Variants in FNIP1 observed in about 807,000 individuals in gnomAD.
The protein encoded by FNIP1 is folliculin-interacting protein 1.
A neutral mutation model predicts 124.5 loss-of-function variants in FNIP1; 40 were observed. The observed-to-expected ratio is 0.32, with a 90% CI of 0.25 to 0.42. FNIP1 has a LOEUF of 0.42. FNIP1 is among the 10% of genes least tolerant of loss of function. The probability of loss-of-function intolerance (pLI) is 1.00; values close to 1 mark genes in which losing one functional copy is unlikely to be tolerated. For synonymous variants in FNIP1, 472 were observed against 470.6 expected (o/e 1.00, Z -0.04); for missense variants, 1,176 against 1,403.7 (o/e 0.84, Z 2.59).
In FNIP1 at chr5:131,672,819, A is replaced by C; in HGVS notation, c.1625T>G (p.Phe542Cys). 1 of 1,613,248 alleles carries C rather than the reference A, an allele frequency of 6.2e-7. No individual in the cohort carries two copies. The highest frequency in any genetic ancestry group is 8.5e-7 in the Non-Finnish European group (1 of 1,179,772). ...VQRLLYFLTY[F>C]IRCSELQETH... is the part of the protein sequence containing the mutation. Reference sequence around the variant, plus strand: ...TTCTTGAAGTTCAGAGCATCTTATAAAATAAGTAAGAAAATAAAGTAGCCT... The same window carrying C: ...TTCTTGAAGTTCAGAGCATCTTATACAATAAGTAAGAAAATAAAGTAGCCT... The change falls in exon 14 of 18, where the codon TTT (phenylalanine) becomes TGT (cysteine). Residue 542 changes from phenylalanine to cysteine, a missense_variant. Phe to Cys is a radical substitution (Grantham distance 205). Coordinates refer to ENST00000510461, the MANE Select transcript of FNIP1 (RefSeq NM_133372.3).
At chr5:131,699,099 G>T in intron 10 of FNIP1, 97 bp from the exon 11 acceptor site, 2 of 774,854 alleles carry the variant, frequency 2.6e-6, no homozygotes, top group African/African-American at 1.8e-5. Context: ...TTTACACAAC[G>T]CTCTATCAAA....
chr5:131,754,719 A>G (rs1770987515), intron 1 of FNIP1, among the ~76,000 whole-genome samples: 1 of 152,246 alleles, frequency 6.6e-6, no homozygotes, highest in African/African-American at 2.4e-5. Context: ...AGTTCAACAC[A>G]CACATACAGA....
intron 1 of FNIP1, among the ~76,000 whole-genome samples, chr5:131,757,176 T>C (rs6891669): frequency 0.019 from 2,827 of 152,216 alleles, 91 homozygotes; most frequent in African/African-American, 0.064. Context: ...AATAAGGATA[T>C]GAGAGATCAA....
intron 15 of FNIP1, among the ~76,000 whole-genome samples, chr5:131,652,393 T>C (rs1174991505): frequency 6.6e-6 from 1 of 152,216 alleles, no homozygotes. Context: ...TCTTGCTCTG[T>C]AGCCAGGCTG....
intron 11 of FNIP1, among the ~76,000 whole-genome samples, chr5:131,695,104 C>CAAATAAATAAAT (rs72306515): frequency 1.9e-4 from 26 of 137,852 alleles, no homozygotes; most frequent in African/African-American, 4.0e-4. Flanking sequence ...GACACTGTCT[C>CAAATAAATAAAT]AAATAAATAA....
In FNIP1 at chr5:131,647,624, C is replaced by T. The variant is rs1023829580; in HGVS notation, c.3307-419G>A. On this transcript the variant is annotated intron_variant, in intron 16 of 17. Coordinates refer to ENST00000510461, the MANE Select transcript of FNIP1 (RefSeq NM_133372.3). ...GAGTAGCTGGGACTACAGCCATGCG[C>T]ACCACACCCGGCTAATTTCTTTTCT... 2.9e-4 allele frequency among the ~76,000 whole-genome samples: 44 copies of T among 151,990 alleles called. 2 individuals carry two copies. Among genetic ancestry groups the T allele is most frequent in the Non-Finnish European group, 2.9e-5 (2 of 68,002 alleles).
At chr5:131,709,780 AT>A (rs757085819) in intron 7 of FNIP1, among the ~76,000 whole-genome samples, 9 of 152,098 alleles carry the variant, frequency 5.9e-5, no homozygotes, top group Non-Finnish European at 1.3e-4. Flanking sequence ...GCTAATATAT[AT>A]TTTTGCCTTT....
At chr5:131,735,614 A>G (rs559257870) in intron 2 of FNIP1, among the ~76,000 whole-genome samples, 121 of 148,912 alleles carry the variant, frequency 8.1e-4, no homozygotes, top group South Asian at 6.9e-3. Context: ...ACATATACAC[A>G]TATTTATATA....
At position 131,751,703 on chromosome 5, in the gene FNIP1, T is replaced by C. The variant is rs115921850; in HGVS notation, c.93-7013A>G. Among the ~76,000 whole-genome samples the C allele has an allele frequency of 2.6e-3, 391 of 152,240 alleles. 2 individuals are homozygous for C. Among genetic ancestry groups the C allele is most frequent in the African/African-American group, 8.4e-3 (348 of 41,544 alleles). ...AGTATTTGGCCATAAAAAGAATGCA[T>C]ACTACATGGGTGAACCTTGAAAACA... On this transcript the variant is annotated intron_variant, in intron 1 of 17. Transcript: ENST00000510461.
At position 131,642,885 on chromosome 5, in the gene FNIP1, A is replaced by T. The variant is rs1766758280; in HGVS notation, c.*1800T>A. 6.6e-6 allele frequency: 1 copy of T among 152,084 alleles called. No homozygotes were observed. The highest frequency in any genetic ancestry group is 6.6e-5 in the Admixed American group (1 of 15,220). The allele number at this position is 152,084 out of a possible 1,614,324, so 9.4% of individuals were successfully genotyped here. A position where few individuals can be genotyped will look rare whatever the true frequency, so the allele number is the denominator to read the frequency against. ...ACTCCGTCAAAAAAAAAAAAAAAAA[A>T]AAAAAGGTACAATGGCCCGCAAATG... On this transcript the variant is annotated 3_prime_UTR_variant, in exon 18 of 18. Coordinates refer to ENST00000510461, the MANE Select transcript of FNIP1 (RefSeq NM_133372.3).
At chr5:131,752,948 T>C (rs1770928383) in intron 1 of FNIP1, among the ~76,000 whole-genome samples, 1 of 152,176 alleles carries the variant, frequency 6.6e-6, no homozygotes, top group Non-Finnish European at 1.5e-5. Flanking sequence ...GGTGCATGCC[T>C]GTAATCCCAG....
At chr5:131,760,386 C>T (rs1445361553) in intron 1 of FNIP1, among the ~76,000 whole-genome samples, 3 of 151,986 alleles carry the variant, frequency 2.0e-5, no homozygotes, top group East Asian at 1.9e-4. Flanking sequence ...AGGAAAATAC[C>T]GAAATAATTC....
chr5:131,706,363 G>A, intron 9 of FNIP1, 48 bp downstream of exon 9: 1 of 1,485,790 alleles, frequency 6.7e-7, no homozygotes, highest in Non-Finnish European at 9.0e-7. Context: ...ATAAAATTGT[G>A]TTTAAGGAAC....
chr5:131,653,898 C>A (rs981901986), intron 15 of FNIP1, among the ~76,000 whole-genome samples: 1 of 152,116 alleles, frequency 6.6e-6, no homozygotes, highest in African/African-American at 2.4e-5. Flanking sequence ...TGTGCCACCA[C>A]GCCCGGCTAA....
At chr5:131,712,494 C>T (rs1769328803) in intron 6 of FNIP1, among the ~76,000 whole-genome samples, 2 of 152,122 alleles carry the variant, frequency 1.3e-5, no homozygotes. Context: ...TCTTGATACA[C>T]TTCAACGAAA....
intron 2 of FNIP1, among the ~76,000 whole-genome samples, chr5:131,734,388 T>C (rs1479777912): frequency 1.3e-5 from 2 of 152,116 alleles, no homozygotes; most frequent in African/African-American, 4.8e-5. Context: ...TTGTTTGCTC[T>C]TGCTTCTCTA....
chr5:131,693,333 C>CATATATATATATATATATATATAT (rs70974007), intron 11 of FNIP1, among the ~76,000 whole-genome samples: 2 of 50,124 alleles, frequency 4.0e-5, no homozygotes, highest in African/African-American at 6.8e-5. Flanking sequence ...TATATATATA[C>CATATATATATATATATATATATAT]ATATATATAT....
In FNIP1 at chr5:131,670,517, C is replaced by A; in HGVS notation, c.3054G>T (p.Gly1018=). ...GACACTGACGGAACCTCTCATCACT[C>A]CCAATTCCTTGAAGAACAAAGTCAG... ...YVPDFVLQGI[G]SDERFRQCLM... The change falls in exon 15 of 18, where the codon GGG becomes GGT. Residue 1018 remains glycine, a synonymous_variant. Coordinates refer to ENST00000510461, the MANE Select transcript of FNIP1 (RefSeq NM_133372.3). 6.2e-7 allele frequency: 1 copy of A among 1,613,634 alleles called. No homozygotes were observed. Among genetic ancestry groups the A allele is most frequent in the Non-Finnish European group, 8.5e-7 (1 of 1,179,848 alleles).
At chr5:131,788,896 C>G (rs1176289980) in intron 1 of FNIP1, among the ~76,000 whole-genome samples, 2 of 151,914 alleles carry the variant, frequency 1.3e-5, no homozygotes, top group African/African-American at 4.8e-5. Flanking sequence ...ACCATATGAT[C>G]CAGCAATCTG....
Sources: gnomAD v4.1 joint callset for allele counts (sites outside exome capture counted in the v4.1 genomes callset) on GRCh38, gnomAD v4.1.1 for gene constraint, MANE v1.5 for transcripts, NCBI Gene and HGNC (gene_info 2026-07-23, HGNC 2026-07-21) for gene names.